EYS: variants seen among roughly 807,000 people sequenced by gnomAD.
EYS encodes protein eyes shut homolog.
EYS carries 250 observed loss-of-function variants against 282.1 expected under a neutral mutation model. The observed-to-expected ratio is 0.89, with a 90% CI of 0.80 to 0.98. The LOEUF is 0.98. EYS is among the 50% of genes least tolerant of loss of function. The pLI is 0.00. For synonymous variants in EYS, 1,355 were observed against 1,282.9 expected (o/e 1.06, Z -1.20); for missense variants, 4,016 against 3,709.0 (o/e 1.08, Z -2.15).
At position 64,066,415 on chromosome 6, in the gene EYS, A is replaced by G. The variant is rs1312229025; in HGVS notation, c.6648T>C (p.Cys2216=). ...CAGTCAAAATATTTTGAGAATTTCC[A>G]CACCCATATTTAACTGATGGCCTTC... ...VEGRPSVKYG[C]GNSQNILTVS... is the part of the protein sequence containing the mutation. The change falls in exon 33 of 43, where the codon TGT becomes TGC. Residue 2216 remains cysteine, a synonymous_variant. Coordinates refer to ENST00000503581, the MANE Select transcript of EYS (RefSeq NM_001142800.2). 5.8e-6 allele frequency: 9 copies of G among 1,550,240 alleles called. No individual in the cohort carries two copies. The Admixed American group carries it at 1.8e-4, about 30-fold the overall frequency.
At chr6:63,943,866 C>T (rs924356953) in intron 35 of EYS, among the ~76,000 whole-genome samples, 5 of 152,200 alleles carry the variant, frequency 3.3e-5, no homozygotes, top group Admixed American at 3.3e-4. Flanking sequence ...GCTGACCAAA[C>T]AGATATACCT....
At position 63,789,082 on chromosome 6, in the gene EYS, C is replaced by T; in HGVS notation, c.7554G>A (p.Lys2518=). The change falls in exon 38 of 43, where the codon AAG becomes AAA. Residue 2518 remains lysine, a synonymous_variant. Coordinates refer to ENST00000503581, the MANE Select transcript of EYS (RefSeq NM_001142800.2). The part of the protein sequence containing the change: ...SLGVHTVHLG[K]FFQEGWLKVD... ...CCTTCAGCCAGCCCTCTTGGAAGAA[C>T]TTGCCCAGATGAACAGTGTGGACTC... The T allele has an allele frequency of 6.4e-7, 1 of 1,551,576 alleles. No individual in the cohort carries two copies. The highest frequency in any genetic ancestry group is 8.7e-7 in the Non-Finnish European group (1 of 1,146,910).
intron 35 of EYS, among the ~76,000 whole-genome samples, chr6:63,864,941 C>T (rs570058120): frequency 6.6e-6 from 1 of 152,318 alleles, no homozygotes; most frequent in East Asian, 1.9e-4. Flanking sequence ...CTCCTCTTAC[C>T]TGCCAGGGAA....
At chr6:65,131,838 A>C in intron 12 of EYS, among the ~76,000 whole-genome samples, 1 of 152,020 alleles carries the variant, frequency 6.6e-6, no homozygotes. Context: ...CTAATAAAGA[A>C]GAAAAGAGAA....
chr6:64,587,374 A>G (rs1198972184), intron 26 of EYS, among the ~76,000 whole-genome samples: 1 of 152,030 alleles, frequency 6.6e-6, no homozygotes, highest in Non-Finnish European at 1.5e-5. Context: ...TTTGTTCTAT[A>G]TTTTGGCAGT....
At chr6:64,010,393 TGG>T (rs199583269) in intron 33 of EYS, among the ~76,000 whole-genome samples, 118 of 70,204 alleles carry the variant, frequency 1.7e-3, no homozygotes, top group African/African-American at 4.1e-3. Flanking sequence ...TGTGTTTGGT[TGG>T]GGGGGGGGGT....
intron 12 of EYS, among the ~76,000 whole-genome samples, chr6:65,133,815 T>A (rs113979213): frequency 0.043 from 6,493 of 151,960 alleles, 198 homozygotes; most frequent in Middle Eastern, 0.065. Flanking sequence ...AAAGAAACTA[T>A]CAACAGGGTA....
intron 15 of EYS, among the ~76,000 whole-genome samples, chr6:64,915,939 A>G (rs1768147064): frequency 6.6e-6 from 1 of 152,030 alleles, no homozygotes; most frequent in Non-Finnish European, 1.5e-5. Flanking sequence ...TTTTTTAAAC[A>G]TGCTTTAAAT....
At chr6:64,535,467 G>C (rs1764488546) in intron 26 of EYS, among the ~76,000 whole-genome samples, 1 of 152,076 alleles carries the variant, frequency 6.6e-6, no homozygotes, top group South Asian at 2.1e-4. Context: ...GCCAGGCACA[G>C]TGGCTCACGC....
At chr6:65,192,541 T>G (rs985154038) in intron 12 of EYS, among the ~76,000 whole-genome samples, 1 of 151,822 alleles carries the variant, frequency 6.6e-6, no homozygotes, top group African/African-American at 2.4e-5. Context: ...ACATACTGAA[T>G]TTGATGCAAA....
At chr6:64,701,709 T>C (rs1770797073) in intron 22 of EYS, among the ~76,000 whole-genome samples, 1 of 151,894 alleles carries the variant, frequency 6.6e-6, no homozygotes, top group Admixed American at 6.6e-5. Context: ...CAGAGGTGGG[T>C]GAGGGATGAG....
chr6:65,693,098 A>G (rs576969630), intron 1 of EYS, among the ~76,000 whole-genome samples: 1 of 150,170 alleles, frequency 6.7e-6, no homozygotes, highest in East Asian at 2.3e-4. Flanking sequence ...AAAGCATTCT[A>G]TCAAATTTCC....
At chr6:65,390,835 G>A (rs954595444) in intron 7 of EYS, among the ~76,000 whole-genome samples, 8 of 151,850 alleles carry the variant, frequency 5.3e-5, no homozygotes, top group African/African-American at 1.7e-4. Context: ...CATGAGCTTG[G>A]TTCACAACAC....
intron 14 of EYS, among the ~76,000 whole-genome samples, chr6:64,957,524 A>G (rs530549668): frequency 6.6e-6 from 1 of 152,314 alleles, no homozygotes; most frequent in South Asian, 2.1e-4. Flanking sequence ...TGATGGCACA[A>G]CAGGGTGCCT....
intron 12 of EYS, among the ~76,000 whole-genome samples, chr6:65,156,183 A>C (rs1272808352): frequency 1.3e-5 from 2 of 151,272 alleles, no homozygotes; most frequent in African/African-American, 4.8e-5. Context: ...GGAGAAAGTA[A>C]AAATAGTAAT....
intron 15 of EYS, among the ~76,000 whole-genome samples, chr6:64,924,697 G>C (rs1026279144): frequency 2.6e-5 from 4 of 152,058 alleles, no homozygotes; most frequent in African/African-American, 9.7e-5. Context: ...CAAATTCAAA[G>C]TTCCACAAAT....
intron 5 of EYS, among the ~76,000 whole-genome samples, chr6:65,455,271 A>C (rs988619242): frequency 1.3e-5 from 2 of 152,036 alleles, no homozygotes; most frequent in African/African-American, 4.8e-5. Flanking sequence ...TTGCAAATGA[A>C]ATTGCTTTCT....
chr6:65,565,696 C>A (rs1160656511), intron 2 of EYS, among the ~76,000 whole-genome samples: 1 of 152,076 alleles, frequency 6.6e-6, no homozygotes, highest in East Asian at 1.9e-4. Context: ...TTGGAACCAA[C>A]CCAAATGCCT....
intron 36 of EYS, among the ~76,000 whole-genome samples, chr6:63,828,193 C>T (rs555045265): frequency 6.6e-5 from 10 of 152,030 alleles, no homozygotes; most frequent in African/African-American, 1.9e-4. Flanking sequence ...AAGAACAAAC[C>T]GAACCCAAAA....
Sources: gnomAD v4.1 joint callset for allele counts (sites outside exome capture counted in the v4.1 genomes callset) on GRCh38, gnomAD v4.1.1 for gene constraint, MANE v1.5 for transcripts, NCBI Gene and HGNC (gene_info 2026-07-23, HGNC 2026-07-21) for gene names.